Variants in RBM47 observed in about 807,000 individuals in gnomAD.
The protein encoded by RBM47 is RNA-binding protein 47.
In RBM47, 21 loss-of-function variants were observed where a neutral mutation model predicts 47.1. That is an observed-to-expected ratio of 0.45 (90% CI 0.32 to 0.64). The LOEUF (loss-of-function observed/expected upper bound fraction) is 0.64, where lower values mean the gene tolerates loss of function less well. Among genes scored for constraint, RBM47 ranks in the 30% least tolerant of loss-of-function variants. The pLI, the probability that RBM47 is intolerant of heterozygous loss-of-function variation, is 0.05. For synonymous variants in RBM47, 375 were observed against 361.7 expected (o/e 1.04, Z -0.42); for missense variants, 708 against 870.9 (o/e 0.81, Z 2.35).
chr4:40,497,905 C>A lies in RBM47; in HGVS notation c.-154-31206G>T, dbSNP rs545149033. Among the ~76,000 whole-genome samples, 56 of 151,068 alleles carry A rather than the reference C, an allele frequency of 3.7e-4. No homozygotes were observed. In the East Asian group the frequency reaches 9.9e-3, roughly 27 times the overall value. ...GGCTGAGGCAGGAGGATCACTTGAGCCTGGGAGCCTGGCAGGTCAAGGTTT... is the reference window on the plus strand; with the variant it reads ...GGCTGAGGCAGGAGGATCACTTGAGACTGGGAGCCTGGCAGGTCAAGGTTT... On this transcript the variant is annotated intron_variant, in intron 2 of 6. Coordinates refer to ENST00000295971, the MANE Select transcript of RBM47 (RefSeq NM_001098634.2).
intron 5 of RBM47, 118 bp from the exon 6 acceptor site, chr4:40,432,980 A>C: frequency 1.4e-6 from 2 of 1,394,492 alleles, no homozygotes; most frequent in South Asian, 2.9e-5. Flanking sequence ...CTTTTTTTTG[A>C]GACAGGGTCT....
rs1345017177 is a variant in RBM47, at chr4:40,438,495, G to T, written c.399C>A (p.Asn133Lys). The T allele has an allele frequency of 6.2e-7, 1 of 1,613,650 alleles. No individual in the cohort carries two copies. The highest frequency in any genetic ancestry group is 8.5e-7 in the Non-Finnish European group (1 of 1,179,928). ...EAKRAVRELN[N>K]YEIRPGRLLG... The stretch of plus-strand genomic sequence containing the variant: ...GCAGGCGGCCCGGGCGGATCTCGTA[G>T]TTGTTGAGCTCACGCACTGCGCGCT... The change falls in exon 4 of 7, where the codon AAC becomes AAA. Residue 133 changes from asparagine (N) to lysine (K), a missense_variant. Physicochemically the swap from Asn to Lys is moderately conservative, Grantham distance 94. Coordinates refer to ENST00000295971, the MANE Select transcript of RBM47 (RefSeq NM_001098634.2).
At chr4:40,541,545 T>A (rs1270825871) in intron 2 of RBM47, among the ~76,000 whole-genome samples, 1 of 152,092 alleles carries the variant, frequency 6.6e-6, no homozygotes, top group Non-Finnish European at 1.5e-5. Flanking sequence ...GAGACCAGCC[T>A]GGCCAACATG....
chr4:40,451,184 C>CAAAAAAAAAAAA (rs958122281), intron 3 of RBM47, among the ~76,000 whole-genome samples: 13 of 51,470 alleles, frequency 2.5e-4, no homozygotes, highest in African/African-American at 7.9e-4. Flanking sequence ...CAGTAGCTAC[C>CAAAAAAAAAAAA]AAAAAAAAAA....
intron 2 of RBM47, among the ~76,000 whole-genome samples, chr4:40,530,138 G>A (rs1257499196): frequency 2.0e-5 from 3 of 151,410 alleles, no homozygotes; most frequent in African/African-American, 7.3e-5. Flanking sequence ...GTTTCACCAT[G>A]TTGGCCAGGC....
intron 1 of RBM47, among the ~76,000 whole-genome samples, chr4:40,574,302 C>T (rs1240122443): frequency 2.0e-5 from 3 of 152,238 alleles, no homozygotes; most frequent in South Asian, 4.1e-4. Flanking sequence ...CAGTTAAGAC[C>T]GAGTTTAATT....
intron 2 of RBM47, among the ~76,000 whole-genome samples, chr4:40,525,287 A>T (rs1348818283): frequency 6.6e-6 from 1 of 152,058 alleles, no homozygotes; most frequent in East Asian, 1.9e-4. Context: ...AAAATACGAA[A>T]ATTAGCCAGC....
intron 1 of RBM47, among the ~76,000 whole-genome samples, chr4:40,552,423 A>G (rs1729651122): frequency 6.6e-6 from 1 of 151,908 alleles, no homozygotes; most frequent in South Asian, 2.1e-4. Flanking sequence ...AATAAATAAT[A>G]AAAAGATAAA....
chr4:40,525,352 G>A (rs1726594319), intron 2 of RBM47, among the ~76,000 whole-genome samples: 5 of 152,144 alleles, frequency 3.3e-5, no homozygotes, highest in Admixed American at 3.3e-4. Flanking sequence ...CAGCTACTTG[G>A]GAAGCTGAGG....
chr4:40,429,761 G>C (rs1238772010), intron 6 of RBM47, among the ~76,000 whole-genome samples: 6 of 147,452 alleles, frequency 4.1e-5, no homozygotes, highest in African/African-American at 1.5e-4. Flanking sequence ...CTTCCCTCCT[G>C]TCAAGGAGGA....
rs79562093 is a variant in RBM47 at position 40,593,696 on chromosome 4, C to T, written c.-240+35700G>A. On this transcript the variant is annotated intron_variant, in intron 1 of 6. Coordinates refer to ENST00000295971, the MANE Select transcript of RBM47 (RefSeq NM_001098634.2). ...GAGATCGAGACCATCCTGGCTAACA[C>T]GGTGAAACCCCGTCTCTACTAAAAA... 8.6e-5 allele frequency among the ~76,000 whole-genome samples: 13 copies of T among 151,886 alleles called. No homozygotes were observed. The East Asian group carries it at 2.1e-3, about 25-fold the overall frequency.
intron 2 of RBM47, among the ~76,000 whole-genome samples, chr4:40,528,378 C>T (rs1228567520): frequency 6.6e-6 from 1 of 151,316 alleles, no homozygotes; most frequent in African/African-American, 2.4e-5. Context: ...CACTGTACTG[C>T]AGCCTGGCGA....
chr4:40,557,210 G>A (rs919711108), intron 1 of RBM47, among the ~76,000 whole-genome samples: 1 of 152,068 alleles, frequency 6.6e-6, no homozygotes, highest in African/African-American at 2.4e-5. Context: ...CAATTCCTCA[G>A]GGAAGCCTTC....
At chr4:40,582,173 C>T (rs933006126) in intron 1 of RBM47, among the ~76,000 whole-genome samples, 3 of 152,146 alleles carry the variant, frequency 2.0e-5, no homozygotes, top group African/African-American at 7.2e-5. Context: ...CACTCAGACC[C>T]TCACTATAGC....
chr4:40,451,986 A>G (rs767487252), intron 3 of RBM47, among the ~76,000 whole-genome samples: 2 of 152,210 alleles, frequency 1.3e-5, no homozygotes, highest in Non-Finnish European at 2.9e-5. Flanking sequence ...CCTGGCCAAC[A>G]TGGCAAAACC....
chr4:40,553,101 G>A (rs1216175303), intron 1 of RBM47, among the ~76,000 whole-genome samples: 1 of 148,020 alleles, frequency 6.8e-6, no homozygotes, highest in Admixed American at 6.7e-5. Flanking sequence ...CCGAGTAGCC[G>A]GGACTACAGG....
chr4:40,500,454 T>C (rs530199569), intron 2 of RBM47, among the ~76,000 whole-genome samples: 5 of 149,524 alleles, frequency 3.3e-5, no homozygotes, highest in African/African-American at 1.2e-4. Context: ...CTACAAAAAA[T>C]ACAAACATTA....
intron 6 of RBM47, among the ~76,000 whole-genome samples, chr4:40,428,053 T>C (rs918846149): frequency 1.3e-5 from 2 of 152,004 alleles, no homozygotes; most frequent in Admixed American, 6.6e-5. Flanking sequence ...TAGCCAGCCA[T>C]GGCGGTGCGT....
intron 2 of RBM47, among the ~76,000 whole-genome samples, chr4:40,508,142 C>CTGGCAT (rs1724382779): frequency 6.6e-6 from 1 of 152,226 alleles, no homozygotes; most frequent in Non-Finnish European, 1.5e-5. Flanking sequence ...CAACAGCGTT[C>CTGGCAT]TGGCATTGTC....
Sources: gnomAD v4.1 joint callset for allele counts (sites outside exome capture counted in the v4.1 genomes callset) on GRCh38, gnomAD v4.1.1 for gene constraint, MANE v1.5 for transcripts, NCBI Gene and HGNC (gene_info 2026-07-23, HGNC 2026-07-21) for gene names.